ARHGAP15: variants seen among roughly 807,000 people sequenced by gnomAD.
ARHGAP15 encodes the protein rho GTPase-activating protein 15.
Under a neutral mutation model 63.7 loss-of-function variants are expected in ARHGAP15, and 51 were observed. The ratio of observed to expected loss-of-function variants is 0.80; its 90% CI spans 0.64 to 1.01. The LOEUF is 1.01. Ranked by LOEUF, ARHGAP15 falls within the 50% of genes least tolerant of loss-of-function variation. The pLI is 0.00. For synonymous variants in ARHGAP15, 191 were observed against 193.8 expected (o/e 0.99, Z 0.12); for missense variants, 560 against 564.6 (o/e 0.99, Z 0.08).
chr2:143,362,363 ACC>A (rs1686099364), intron 6 of ARHGAP15, among the ~76,000 whole-genome samples: 1 of 152,154 alleles, frequency 6.6e-6, no homozygotes, highest in Non-Finnish European at 1.5e-5. Flanking sequence ...GTCCTAAAAT[ACC>A]TTCTTCTCTG....
intron 6 of ARHGAP15, among the ~76,000 whole-genome samples, chr2:143,374,090 G>A (rs1437619468): frequency 6.6e-6 from 1 of 152,126 alleles, no homozygotes; most frequent in African/African-American, 2.4e-5. Context: ...TAACTGATTT[G>A]TACTTTTGTT....
chr2:143,333,230 G>A (rs2105264518), intron 6 of ARHGAP15, among the ~76,000 whole-genome samples: 1 of 152,260 alleles, frequency 6.6e-6, no homozygotes, highest in South Asian at 2.1e-4. Flanking sequence ...CCTCTAATAT[G>A]ACTTTTCTGA....
At chr2:143,168,698 G>A (rs1342254172) in intron 2 of ARHGAP15, among the ~76,000 whole-genome samples, 1 of 151,918 alleles carries the variant, frequency 6.6e-6, no homozygotes, top group East Asian at 1.9e-4. Context: ...CCGTGCACTT[G>A]TAAATCTTAT....
chr2:143,185,483 T>G (rs1487434468), intron 2 of ARHGAP15, among the ~76,000 whole-genome samples: 1 of 152,180 alleles, frequency 6.6e-6, no homozygotes, highest in East Asian at 1.9e-4. Flanking sequence ...TGCAGTCTCC[T>G]CTAAGATTCT....
chr2:143,342,089 G>A (rs1685082726), intron 6 of ARHGAP15, among the ~76,000 whole-genome samples: 1 of 151,996 alleles, frequency 6.6e-6, no homozygotes, highest in Non-Finnish European at 1.5e-5. Context: ...AATACCACAA[G>A]ACTTATTGTG....
At chr2:143,482,304 G>A (rs1251858051) in intron 8 of ARHGAP15, among the ~76,000 whole-genome samples, 1 of 152,116 alleles carries the variant, frequency 6.6e-6, no homozygotes, top group African/African-American at 2.4e-5. Context: ...TCTTTAAACT[G>A]CAGGAAGCTT....
rs561755395 is a variant in ARHGAP15, at chr2:143,394,806, T to C, written c.475-40795T>C. On this transcript the variant is annotated intron_variant, in intron 6 of 13. Coordinates refer to ENST00000295095, the MANE Select transcript of ARHGAP15 (RefSeq NM_018460.4). Reference sequence around the variant, plus strand: ...GAGACTGGAGAAATCCTAGGTTACATGATAAAATGAGTTTTCAGAGAGCAA... The same window carrying C: ...GAGACTGGAGAAATCCTAGGTTACACGATAAAATGAGTTTTCAGAGAGCAA... 2.6e-5 allele frequency among the ~76,000 whole-genome samples: 4 copies of C among 152,258 alleles called. No homozygotes were observed. In the East Asian group the frequency reaches 7.7e-4, roughly 29 times the overall value.
intron 6 of ARHGAP15, among the ~76,000 whole-genome samples, chr2:143,313,064 G>A (rs992707376): frequency 6.6e-5 from 10 of 152,050 alleles, no homozygotes; most frequent in African/African-American, 2.4e-4. Context: ...CAGGAAAAGA[G>A]TATAGAATTT....
intron 6 of ARHGAP15, among the ~76,000 whole-genome samples, chr2:143,336,655 T>C (rs1038285023): frequency 1.3e-5 from 2 of 152,132 alleles, no homozygotes; most frequent in African/African-American, 2.4e-5. Context: ...GGAACTACCC[T>C]GTAGTTCTCT....
intron 6 of ARHGAP15, among the ~76,000 whole-genome samples, chr2:143,253,877 AT>A (rs1680290524): frequency 6.6e-6 from 1 of 152,104 alleles, no homozygotes; most frequent in Non-Finnish European, 1.5e-5. Flanking sequence ...GATAGTACAC[AT>A]TTATAAAAGA....
chr2:143,619,035 A>T (rs1698555336), intron 11 of ARHGAP15, among the ~76,000 whole-genome samples: 2 of 151,600 alleles, frequency 1.3e-5, no homozygotes, highest in South Asian at 4.2e-4. Flanking sequence ...CTGGTCTCAA[A>T]CTCCTGGCCT....
At chr2:143,544,722 A>T (rs1168180459) in intron 10 of ARHGAP15, among the ~76,000 whole-genome samples, 2 of 152,176 alleles carry the variant, frequency 1.3e-5, no homozygotes, top group African/African-American at 4.8e-5. Context: ...TTGCCTGGAG[A>T]GTTGGAATTC....
At chr2:143,235,169 A>C (rs1361766798) in intron 5 of ARHGAP15, among the ~76,000 whole-genome samples, 1 of 152,174 alleles carries the variant, frequency 6.6e-6, no homozygotes, top group Non-Finnish European at 1.5e-5. Context: ...AGATATAATC[A>C]AGATATAGTC....
At chr2:143,671,072 G>A (rs992832804) in intron 12 of ARHGAP15, among the ~76,000 whole-genome samples, 1 of 152,106 alleles carries the variant, frequency 6.6e-6, no homozygotes. Flanking sequence ...AAAATCATGT[G>A]TCAGAAAGCT....
chr2:143,323,915 A>AAAAC (rs1684137848), intron 6 of ARHGAP15, among the ~76,000 whole-genome samples: 1 of 149,696 alleles, frequency 6.7e-6, no homozygotes, highest in African/African-American at 2.5e-5. Context: ...AAAAAAAAAA[A>AAAAC]AAAAAAAACA....
At chr2:143,170,812 A>G (rs1424745214) in intron 2 of ARHGAP15, among the ~76,000 whole-genome samples, 2 of 152,150 alleles carry the variant, frequency 1.3e-5, no homozygotes, top group African/African-American at 4.8e-5. Flanking sequence ...GCTTTATTTT[A>G]AAAACTTATT....
intron 6 of ARHGAP15, among the ~76,000 whole-genome samples, chr2:143,320,273 G>C (rs1336466376): frequency 1.3e-5 from 2 of 152,126 alleles, no homozygotes; most frequent in Non-Finnish European, 2.9e-5. Flanking sequence ...TGGTGGGCTG[G>C]AGCTGGCTGC....
intron 6 of ARHGAP15, among the ~76,000 whole-genome samples, chr2:143,327,960 A>T (rs922761466): frequency 6.6e-6 from 1 of 152,234 alleles, no homozygotes; most frequent in Non-Finnish European, 1.5e-5. Flanking sequence ...ACACTTCTCA[A>T]AAGAAGACAT....
At chr2:143,444,196 G>A (rs1690026370) in intron 8 of ARHGAP15, among the ~76,000 whole-genome samples, 1 of 152,066 alleles carries the variant, frequency 6.6e-6, no homozygotes, top group Non-Finnish European at 1.5e-5. Flanking sequence ...AGGTCAAATG[G>A]CATCTTGCTT....
Sources: allele counts gnomAD v4.1 joint callset (sites outside exome capture counted in the v4.1 genomes callset), GRCh38; gene constraint gnomAD v4.1.1; transcripts MANE v1.5; gene names NCBI Gene and HGNC (gene_info 2026-07-23, HGNC 2026-07-21).